The following APBB2 variants were observed in gnomAD, a reference collection of about 807,000 sequenced individuals.
The protein encoded by APBB2 is Fe65-like 1.
In APBB2, 38 loss-of-function variants were observed where a neutral mutation model predicts 82.5. That is an observed-to-expected ratio of 0.46 (90% CI 0.36 to 0.60). APBB2 has a LOEUF of 0.60. APBB2 is among the 20% of genes least tolerant of loss of function. The pLI is 0.00. For synonymous variants in APBB2, 341 were observed against 368.2 expected, an observed-to-expected ratio of 0.93 and a Z score of 0.85; for missense variants, 772 against 972.3, an observed-to-expected ratio of 0.79 and a Z score of 2.74.
At chr4:40,855,674 T>G (rs1760959445) in intron 12 of APBB2, among the ~76,000 whole-genome samples, 1 of 151,820 alleles carries the variant, frequency 6.6e-6, no homozygotes, top group Non-Finnish European at 1.5e-5. Context: ...AGGCAGAGGT[T>G]GCAGTGAGCC....
At chr4:41,185,167 A>T (rs2154066653) in intron 1 of APBB2, among the ~76,000 whole-genome samples, 1 of 152,344 alleles carries the variant, frequency 6.6e-6, no homozygotes, top group Admixed American at 6.5e-5. Flanking sequence ...AAAGGGCAAT[A>T]AGTATTTGGA....
chr4:40,946,873 C>A (rs948167788), intron 6 of APBB2, among the ~76,000 whole-genome samples: 4 of 152,172 alleles, frequency 2.6e-5, no homozygotes, highest in African/African-American at 9.7e-5. Flanking sequence ...GGGAGCAGAG[C>A]CACCGTGAGA....
At chr4:41,144,434 AG>A (rs1760122703) in intron 1 of APBB2, among the ~76,000 whole-genome samples, 1 of 152,240 alleles carries the variant, frequency 6.6e-6, no homozygotes, top group African/African-American at 2.4e-5. Context: ...TGGAATGGAA[AG>A]CTATTTGTAT....
At chr4:41,034,373 G>T (rs1335219157) in intron 4 of APBB2, among the ~76,000 whole-genome samples, 5 of 152,176 alleles carry the variant, frequency 3.3e-5, no homozygotes, top group Non-Finnish European at 7.3e-5. Context: ...CACCCAGGCT[G>T]GAGGGCAATA....
chr4:41,077,607 A>G (rs1232779819), intron 3 of APBB2, among the ~76,000 whole-genome samples: 1 of 152,224 alleles, frequency 6.6e-6, no homozygotes, highest in East Asian at 1.9e-4. Flanking sequence ...TCCCAGGGAA[A>G]GTAATCTCCA....
chr4:40,925,312 G>A (rs1333985806), intron 10 of APBB2, among the ~76,000 whole-genome samples: 1 of 152,188 alleles, frequency 6.6e-6, no homozygotes, highest in Non-Finnish European at 1.5e-5. Context: ...TATTTATAGT[G>A]TTTATAGTAT....
intron 10 of APBB2, among the ~76,000 whole-genome samples, chr4:40,912,353 C>A (rs573416204): frequency 7.2e-5 from 11 of 152,144 alleles, no homozygotes; most frequent in African/African-American, 2.7e-4. Flanking sequence ...CCAAGGCGGG[C>A]GGATCACCAG....
At chr4:41,128,441 A>G (rs1755041231) in intron 2 of APBB2, among the ~76,000 whole-genome samples, 1 of 152,258 alleles carries the variant, frequency 6.6e-6, no homozygotes, top group South Asian at 2.1e-4. Context: ...TGTGACCAGG[A>G]ATATCACCAG....
At chr4:41,048,382 G>GT (rs1377234118) in intron 4 of APBB2, among the ~76,000 whole-genome samples, 1 of 152,096 alleles carries the variant, frequency 6.6e-6, no homozygotes, top group Non-Finnish European at 1.5e-5. Context: ...CACTCACCCC[G>GT]TAACTGCTAA....
At chr4:40,972,860 C>T (rs1796296994) in intron 6 of APBB2, among the ~76,000 whole-genome samples, 2 of 152,218 alleles carry the variant, frequency 1.3e-5, no homozygotes, top group Admixed American at 6.5e-5. Flanking sequence ...TCCCCAGGGC[C>T]TGTCTAAGAT....
chr4:41,061,676 A>G (rs908743617), intron 4 of APBB2, among the ~76,000 whole-genome samples: 1 of 152,242 alleles, frequency 6.6e-6, no homozygotes, highest in Non-Finnish European at 1.5e-5. Context: ...ATAAACACAA[A>G]TATCTGTATG....
chr4:41,210,611 C>T (rs896756103), intron 1 of APBB2, among the ~76,000 whole-genome samples: 3 of 152,214 alleles, frequency 2.0e-5, no homozygotes, highest in Non-Finnish European at 4.4e-5. Context: ...CATCTAATTT[C>T]ATTTGTTGGT....
At position 41,116,185 on chromosome 4, in the gene APBB2, A is replaced by G. The variant is rs139181233; in HGVS notation, c.-260-15435T>C. Among the ~76,000 whole-genome samples the G allele has an allele frequency of 6.0e-3, 920 of 152,300 alleles. 9 individuals carry two copies. Among genetic ancestry groups the G allele is most frequent in the African/African-American group, 0.019 (806 of 41,546 alleles). On this transcript the variant is annotated intron_variant, in intron 2 of 17. Coordinates refer to ENST00000508593, the MANE Select transcript of APBB2 (RefSeq NM_004307.2). ...TGCAGGAACATGGATGAAGCTGGAA[A>G]CCATCATTCTTAGCAAACTAACACA...
intron 3 of APBB2, among the ~76,000 whole-genome samples, chr4:41,098,916 C>T (rs1744433627): frequency 6.6e-6 from 1 of 152,130 alleles, no homozygotes; most frequent in Non-Finnish European, 1.5e-5. Flanking sequence ...TTCAAATATC[C>T]TTCCAAAATG....
chr4:40,823,780 T>C, intron 15 of APBB2, 21 bp from the exon 16 acceptor site: 1 of 1,568,462 alleles, frequency 6.4e-7, no homozygotes. Context: ...AAAAGGATAA[T>C]TTAAAGTGTC....
intron 5 of APBB2, among the ~76,000 whole-genome samples, chr4:41,020,701 A>T (rs1351044394): frequency 6.6e-6 from 1 of 152,270 alleles, no homozygotes; most frequent in African/African-American, 2.4e-5. Flanking sequence ...AAAAGTTAAC[A>T]GTGTAACATG....
In APBB2 at chr4:40,908,071, ATGTG is replaced by A. The variant is rs1031515930; in HGVS notation, c.1255-14664_1255-14661del. Among the ~76,000 whole-genome samples the A allele has an allele frequency of 7.3e-5, 11 of 150,456 alleles. No homozygotes were observed. The East Asian group carries it at 1.8e-3, about 24-fold the overall frequency. On this transcript the variant is annotated intron_variant, in intron 10 of 17. Coordinates refer to ENST00000508593, the MANE Select transcript of APBB2 (RefSeq NM_004307.2). ...GGTGTGTGTGGTGTGTGTGTGGCATATGTGTGTGTGTATGTGTCTGTGTGTGTGT... is the reference window on the plus strand; with the variant it reads ...GGTGTGTGTGGTGTGTGTGTGGCATATGTGTGTATGTGTCTGTGTGTGTGT...
At chr4:40,978,591 A>G (rs2154401881) in intron 6 of APBB2, among the ~76,000 whole-genome samples, 1 of 152,354 alleles carries the variant, frequency 6.6e-6, no homozygotes, top group Non-Finnish European at 1.5e-5. Flanking sequence ...AAAAGCGTGG[A>G]AAATTACTTA....
At chr4:41,163,354 G>A (rs1051966953) in intron 1 of APBB2, among the ~76,000 whole-genome samples, 2 of 152,234 alleles carry the variant, frequency 1.3e-5, no homozygotes, top group African/African-American at 2.4e-5. Flanking sequence ...TTAGAAGTGA[G>A]GATTCCAGTT....
Sources: gnomAD v4.1 joint callset for allele counts (sites outside exome capture counted in the v4.1 genomes callset) on GRCh38, gnomAD v4.1.1 for gene constraint, MANE v1.5 for transcripts, NCBI Gene and HGNC (gene_info 2026-07-23, HGNC 2026-07-21) for gene names.